KIFAP3: variants seen among roughly 807,000 people sequenced by gnomAD.
KIFAP3 encodes kinesin associated protein 3.
In KIFAP3, 68 loss-of-function variants were observed where a neutral mutation model predicts 106.5. That is an observed-to-expected ratio of 0.64 (90% CI 0.53 to 0.78). The LOEUF is 0.78. Among genes scored for constraint, KIFAP3 ranks in the 30% least tolerant of loss-of-function variants. The pLI is 0.00. For synonymous variants in KIFAP3, 320 were observed against 311.5 expected (o/e 1.03, Z -0.29); for missense variants, 780 against 941.8 (o/e 0.83, Z 2.25).
intron 1 of KIFAP3, among the ~76,000 whole-genome samples, chr1:170,080,924 CT>C (rs1252066671): frequency 6.6e-6 from 1 of 152,118 alleles, no homozygotes; most frequent in Non-Finnish European, 1.5e-5. Context: ...CTGCATCTCC[CT>C]TTGTCAGTTT....
intron 7 of KIFAP3, among the ~76,000 whole-genome samples, 153 bp downstream of exon 7, chr1:170,034,219 C>A (rs2102050372): frequency 1.3e-5 from 2 of 151,956 alleles, no homozygotes; most frequent in South Asian, 4.1e-4. Context: ...TAGTTTCAAT[C>A]TACTTCTTAA....
intron 19 of KIFAP3, among the ~76,000 whole-genome samples, chr1:169,930,379 T>C (rs1197535634): frequency 6.6e-6 from 1 of 152,236 alleles, no homozygotes; most frequent in Non-Finnish European, 1.5e-5. Flanking sequence ...GGGATTTCCA[T>C]TACATTCTGA....
intron 2 of KIFAP3, among the ~76,000 whole-genome samples, chr1:170,050,400 C>T (rs1033691570): frequency 5.9e-5 from 9 of 152,144 alleles, no homozygotes; most frequent in Non-Finnish European, 1.2e-4. Context: ...GAGAATGGAA[C>T]CAAGTTGGAA....
intron 15 of KIFAP3, among the ~76,000 whole-genome samples, chr1:169,981,510 A>C (rs1205443058): frequency 6.6e-6 from 1 of 152,212 alleles, no homozygotes; most frequent in Non-Finnish European, 1.5e-5. Context: ...ATACTGTTAT[A>C]ATTTTTCTGT....
intron 17 of KIFAP3, among the ~76,000 whole-genome samples, chr1:169,970,882 T>C (rs1162203174): frequency 2.0e-5 from 3 of 151,948 alleles, no homozygotes; most frequent in African/African-American, 4.8e-5. Context: ...AAGTAAAATA[T>C]AGACAGCTGT....
intron 19 of KIFAP3, among the ~76,000 whole-genome samples, chr1:169,928,305 G>A (rs939026228): frequency 2.0e-5 from 3 of 151,952 alleles, no homozygotes; most frequent in African/African-American, 7.3e-5. Context: ...TCAGCATCTT[G>A]GCCAGGCTGG....
intron 1 of KIFAP3, among the ~76,000 whole-genome samples, chr1:170,059,550 G>A (rs1177684290): frequency 6.6e-6 from 1 of 152,076 alleles, no homozygotes; most frequent in Admixed American, 6.5e-5. Context: ...AAAAAGTCCA[G>A]GACCAGATGG....
chr1:169,992,557 G>C (rs984198918), intron 10 of KIFAP3, among the ~76,000 whole-genome samples: 7 of 152,098 alleles, frequency 4.6e-5, no homozygotes, highest in African/African-American at 1.4e-4. Context: ...TGGGTCATTA[G>C]CCTCCCCATC....
At chr1:169,965,823 AG>A (rs373310018) in intron 17 of KIFAP3, among the ~76,000 whole-genome samples, 7 of 151,192 alleles carry the variant, frequency 4.6e-5, no homozygotes, top group Admixed American at 1.3e-4. Flanking sequence ...ATTTGACAAA[AG>A]TCCAAACACA....
At chr1:170,051,843 C>T (rs1465065866) in intron 2 of KIFAP3, among the ~76,000 whole-genome samples, 1 of 152,160 alleles carries the variant, frequency 6.6e-6, no homozygotes, top group African/African-American at 2.4e-5. Context: ...ACAGCTTAAG[C>T]AGTGTGTAGA....
intron 1 of KIFAP3, among the ~76,000 whole-genome samples, chr1:170,063,002 C>A (rs1054944073): frequency 6.6e-6 from 1 of 152,046 alleles, no homozygotes; most frequent in Non-Finnish European, 1.5e-5. Context: ...TCCAACCTCA[C>A]ATGCTACCTG....
chr1:169,949,411 A>G (rs568506918), intron 19 of KIFAP3, among the ~76,000 whole-genome samples: 1 of 152,208 alleles, frequency 6.6e-6, no homozygotes, highest in Non-Finnish European at 1.5e-5. Flanking sequence ...TATTTTTCAA[A>G]GCCCCAAGGA....
intron 17 of KIFAP3, among the ~76,000 whole-genome samples, chr1:169,970,525 T>C (rs1213973401): frequency 1.3e-5 from 2 of 152,228 alleles, no homozygotes; most frequent in East Asian, 1.9e-4. Flanking sequence ...GCACTGTCTG[T>C]CTTCAGTGGA....
At chr1:170,004,328 A>C (rs1332412135) in intron 10 of KIFAP3, among the ~76,000 whole-genome samples, 6 of 152,154 alleles carry the variant, frequency 3.9e-5, no homozygotes, top group Non-Finnish European at 8.8e-5. Context: ...GCTACCAATG[A>C]CTTTCTTCAC....
intron 2 of KIFAP3, among the ~76,000 whole-genome samples, chr1:170,053,268 C>T (rs915748644): frequency 2.0e-5 from 3 of 152,044 alleles, no homozygotes; most frequent in East Asian, 1.9e-4. Flanking sequence ...AATGAAACAC[C>T]TAGGAATACA....
intron 19 of KIFAP3, among the ~76,000 whole-genome samples, chr1:169,953,607 C>T (rs1439890918): frequency 2.6e-5 from 4 of 152,124 alleles, no homozygotes; most frequent in Non-Finnish European, 5.9e-5. Context: ...CTCCGCCTCC[C>T]GGGTTCACGC....
intron 18 of KIFAP3, among the ~76,000 whole-genome samples, chr1:169,956,145 C>A (rs193056574): frequency 2.0e-5 from 3 of 151,860 alleles, no homozygotes; most frequent in African/African-American, 7.3e-5. Flanking sequence ...TTTAGAGGAA[C>A]AAAGCTAAGT....
At chr1:169,961,004 C>T in intron 18 of KIFAP3, 42 bp downstream of exon 18, 1 of 1,522,598 alleles carries the variant, frequency 6.6e-7, no homozygotes, top group Non-Finnish European at 9.0e-7. Flanking sequence ...AATCTCTATT[C>T]ATAGCATATA....
chr1:170,082,200 T>A lies in KIFAP3; in HGVS notation n.174+2835A>T, dbSNP rs549421782. 2.0e-5 allele frequency among the ~76,000 whole-genome samples: 3 copies of A among 152,336 alleles called. No homozygotes were observed. The East Asian group carries it at 5.8e-4, about 29-fold the overall frequency. ...GAAACAACCCAAATGTCTATTAACA[T>A]GTCAATTGATACAAATTGTGGGATA... is the stretch of plus-strand genomic sequence containing the variant. On this transcript the variant is annotated intron_variant and non_coding_transcript_variant, in intron 1 of 5. Coordinates refer to the KIFAP3 transcript ENST00000490550.
Sources: allele counts gnomAD v4.1 joint callset (sites outside exome capture counted in the v4.1 genomes callset), GRCh38; gene constraint gnomAD v4.1.1; transcripts MANE v1.5; gene names NCBI Gene and HGNC (gene_info 2026-07-23, HGNC 2026-07-21).